NBAS: variants seen among roughly 807,000 people sequenced by gnomAD.
NBAS encodes NAG/BC035112 fusion.
A neutral mutation model predicts 302.5 loss-of-function variants in NBAS; 219 were observed. The ratio of observed to expected loss-of-function variants is 0.72; its 90% CI spans 0.65 to 0.81. The LOEUF (loss-of-function observed/expected upper bound fraction) is 0.81, where lower values mean the gene tolerates loss of function less well. NBAS is among the 30% of genes least tolerant of loss of function. NBAS has a pLI of 0.00. For missense variants in NBAS, 2,932 were observed against 2,841.6 expected, an observed-to-expected ratio of 1.03 and a Z score of -0.72; for synonymous variants, 1,118 against 1,021.6, an observed-to-expected ratio of 1.09 and a Z score of -1.80.
At chr2:15,343,056 A>G (rs1672927916) in intron 35 of NBAS, among the ~76,000 whole-genome samples, 1 of 152,118 alleles carries the variant, frequency 6.6e-6, no homozygotes, top group Non-Finnish European at 1.5e-5. Flanking sequence ...AGTGGCTATC[A>G]GGTTCTCCTT....
At chr2:15,028,277 G>C in the NBAS span, among the ~76,000 whole-genome samples, 3 of 152,292 alleles carry the variant, frequency 2.0e-5, no homozygotes, top group South Asian at 2.1e-4. Flanking sequence ...GGGTAAGTTA[G>C]TGGAAAAACC....
the NBAS span, among the ~76,000 whole-genome samples, chr2:14,990,597 T>C: frequency 5.3e-5 from 8 of 152,314 alleles, no homozygotes; most frequent in Non-Finnish European, 1.0e-4. Flanking sequence ...TCTTAAAACA[T>C]CTCTCCAATG....
chr2:15,499,655 T>C (rs1480745091), intron 11 of NBAS, among the ~76,000 whole-genome samples: 2 of 152,098 alleles, frequency 1.3e-5, no homozygotes, highest in Non-Finnish European at 2.9e-5. Context: ...GAAAAATAAC[T>C]AATGGGACTA....
chr2:15,123,358 T>C, the NBAS span, among the ~76,000 whole-genome samples: 2 of 152,298 alleles, frequency 1.3e-5, no homozygotes, highest in Non-Finnish European at 2.9e-5. Context: ...CGTCATAGGT[T>C]GGGCTCTCCT....
chr2:15,373,416 A>T (rs542282535), intron 31 of NBAS, among the ~76,000 whole-genome samples: 10 of 152,220 alleles, frequency 6.6e-5, no homozygotes, highest in Non-Finnish European at 1.2e-4. Context: ...CTGCAGCCTC[A>T]ACTTCCTGGG....
At chr2:14,953,870 A>T in the NBAS span, among the ~76,000 whole-genome samples, 1 of 152,156 alleles carries the variant, frequency 6.6e-6, no homozygotes. Context: ...GCCTCAGAAG[A>T]TATAACCATG....
the NBAS span, among the ~76,000 whole-genome samples, chr2:14,827,916 G>A: frequency 1.3e-5 from 2 of 152,098 alleles, no homozygotes; most frequent in Non-Finnish European, 2.9e-5. Context: ...TAAGTGCAGA[G>A]GATGGATCTT....
chr2:15,257,880 T>A (rs1041296386), intron 44 of NBAS, among the ~76,000 whole-genome samples: 1 of 152,212 alleles, frequency 6.6e-6, no homozygotes, highest in African/African-American at 2.4e-5. Flanking sequence ...CTCATATCTA[T>A]GCAAATATAA....
chr2:15,327,041 CAGTAATACAATAAAAAGTAATA>C (rs1370952272), intron 38 of NBAS, among the ~76,000 whole-genome samples: 2 of 149,088 alleles, frequency 1.3e-5, no homozygotes, highest in African/African-American at 4.9e-5. Flanking sequence ...TAGAGGTGGC[CAGTAATACAATAAAAAGTAATA>C]AGTAATAAAA....
chr2:14,913,202 T>TG, the NBAS span, among the ~76,000 whole-genome samples: 1 of 152,104 alleles, frequency 6.6e-6, no homozygotes, highest in Non-Finnish European at 1.5e-5. Context: ...TAGAGGCTGT[T>TG]GGGGAAAAAG....
chr2:15,534,571 T>C lies in NBAS; in HGVS notation c.718A>G (p.Asn240Asp). 1 of 1,613,412 alleles carries C rather than the reference T, an allele frequency of 6.2e-7. No individual in the cohort carries two copies. ...SFSSHYPHGINTAIYHPGHRL... is the reference protein window; with the variant it reads ...SFSSHYPHGIDTAIYHPGHRL... ...TGACCAGGGTGGTAAATAGCTGTGTTGATTCCATGAGGATAATGACTACTG... is the reference window on the plus strand; with the variant it reads ...TGACCAGGGTGGTAAATAGCTGTGTCGATTCCATGAGGATAATGACTACTG... Residue 240 changes from asparagine to aspartate, a missense_variant, in exon 9 of 52, where the codon AAC becomes GAC. Asn to Asp is a conservative substitution (Grantham distance 23). Transcript: ENST00000281513.
chr2:14,991,278 A>T, the NBAS span, among the ~76,000 whole-genome samples: 26,554 of 120,918 alleles, frequency 0.22, 3,087 homozygotes, highest in Non-Finnish European at 0.31. Flanking sequence ...TTATAATTTA[A>T]AAAAAAAACC....
chr2:15,210,721 T>G (rs1666366889), intron 48 of NBAS, among the ~76,000 whole-genome samples: 1 of 152,178 alleles, frequency 6.6e-6, no homozygotes, highest in Non-Finnish European at 1.5e-5. Flanking sequence ...GGAAGCTACC[T>G]AAGTGTCCAT....
intron 26 of NBAS, among the ~76,000 whole-genome samples, chr2:15,398,430 C>T (rs1675983569): frequency 6.6e-6 from 1 of 152,108 alleles, no homozygotes; most frequent in Admixed American, 6.6e-5. Flanking sequence ...TGCACCTGGC[C>T]TTATTCAGCA....
At chr2:15,540,845 C>A (rs961094713) in intron 6 of NBAS, among the ~76,000 whole-genome samples, 4 of 152,080 alleles carry the variant, frequency 2.6e-5, no homozygotes, top group African/African-American at 9.7e-5. Flanking sequence ...GCCTCAGCCT[C>A]CTGAGTAGCT....
chr2:14,848,886 T>A, the NBAS span, among the ~76,000 whole-genome samples: 1 of 149,516 alleles, frequency 6.7e-6, no homozygotes, highest in African/African-American at 2.5e-5. Context: ...GAAGGAAAAA[T>A]AACAAACAGA....
intron 38 of NBAS, among the ~76,000 whole-genome samples, chr2:15,316,665 C>A (rs1010330674): frequency 1.3e-5 from 2 of 152,310 alleles, no homozygotes; most frequent in East Asian, 3.9e-4. Flanking sequence ...AGCAGCCTGG[C>A]TGGGGGAGGG....
the NBAS span, among the ~76,000 whole-genome samples, chr2:14,789,599 C>T: frequency 6.6e-6 from 1 of 152,168 alleles, no homozygotes; most frequent in Non-Finnish European, 1.5e-5. Context: ...AGTTAATTAC[C>T]TTGCAATCAT....
chr2:15,146,391 A>G, the NBAS span, among the ~76,000 whole-genome samples: 3 of 152,158 alleles, frequency 2.0e-5, no homozygotes, highest in African/African-American at 7.2e-5. Flanking sequence ...TGTGATGCAT[A>G]TCTTCTACAA....
Sources: gnomAD v4.1 joint callset for allele counts (sites outside exome capture counted in the v4.1 genomes callset) on GRCh38, gnomAD v4.1.1 for gene constraint, MANE v1.5 for transcripts, NCBI Gene and HGNC (gene_info 2026-07-23, HGNC 2026-07-21) for gene names.